AMHR2: variants seen among roughly 807,000 people sequenced by gnomAD.
The protein encoded by AMHR2 is anti-Mullerian hormone receptor type 2.
A neutral mutation model predicts 61.4 loss-of-function variants in AMHR2; 36 were observed. That is an observed-to-expected ratio of 0.59 (90% CI 0.45 to 0.77). The LOEUF (loss-of-function observed/expected upper bound fraction) is 0.77. AMHR2 is among the 30% of genes least tolerant of loss of function. The pLI is 0.00. For synonymous variants in AMHR2, 258 were observed against 279.4 expected (o/e 0.92, Z 0.76); for missense variants, 638 against 714.6 (o/e 0.89, Z 1.22).
intron 6 of AMHR2, 132 bp downstream of exon 6, chr12:53,426,051 C>A: frequency 9.7e-7 from 1 of 1,033,618 alleles, no homozygotes; most frequent in Non-Finnish European, 1.4e-6. Flanking sequence ...TTAAAAATGG[C>A]CAGGCGAGGT....
chr12:53,425,632 G>A, intron 5 of AMHR2, 57 bp from the exon 6 acceptor site: 1 of 1,612,834 alleles, frequency 6.2e-7, no homozygotes, highest in South Asian at 1.1e-5. Context: ...GTGCTGGGGA[G>A]GAATCCTGGC....
chr12:53,430,103 C>T (rs190352864), intron 9 of AMHR2, 43 bp from the exon 10 acceptor site: 2 of 1,614,120 alleles, frequency 1.2e-6, no homozygotes, highest in South Asian at 1.1e-5. Flanking sequence ...ATGGTAGGCA[C>T]CCCTAGGACT....
chr12:53,428,644 G>A (rs976262878), intron 6 of AMHR2, among the ~76,000 whole-genome samples: 1 of 152,104 alleles, frequency 6.6e-6, no homozygotes, highest in African/African-American at 2.4e-5. Context: ...GTTTTCACAA[G>A]GATTACAGGA....
chr12:53,431,109 A>G, intron 10 of AMHR2, 68 bp from the exon 11 acceptor site: 1 of 1,568,812 alleles, frequency 6.4e-7, no homozygotes, highest in South Asian at 1.1e-5. Flanking sequence ...GACACTGAAG[A>G]TGGCTTTTAA....
intron 10 of AMHR2, chr12:53,430,691 G>A (rs1940034621): frequency 2.8e-6 from 1 of 361,092 alleles, no homozygotes; most frequent in African/African-American, 2.1e-5. Flanking sequence ...GTCATACATT[G>A]ATGATGTTTC....
chr12:53,429,418 A>T, intron 7 of AMHR2, 35 bp from the exon 8 acceptor site: 1 of 1,601,124 alleles, frequency 6.2e-7, no homozygotes, highest in Non-Finnish European at 8.5e-7. Context: ...GGAGGAAGAA[A>T]ATCCATGTTC....
At chr12:53,424,039 G>A (rs1939297310) in intron 1 of AMHR2, 56 bp downstream of exon 1, 5 of 1,600,036 alleles carry the variant, frequency 3.1e-6, no homozygotes, top group Admixed American at 1.7e-5. Flanking sequence ...AGGGAAAGGG[G>A]CGCTTGAAGC....
At position 53,431,350 on chromosome 12, in the gene AMHR2, T is replaced by C. The variant is rs748512688; in HGVS notation, c.1599T>C (p.Cys533=). The C allele has an allele frequency of 5.0e-6, 8 of 1,614,220 alleles. No individual in the cohort carries two copies. The highest frequency in any genetic ancestry group is 6.8e-6 in the Non-Finnish European group (8 of 1,180,022). ...RGCPPLCPED[C]TSIPAPTILP... ...GCCCACCTCTCTGCCCAGAAGACTG[T>C]ACTTCAATTCCTGCCCCTACCATCC... is the stretch of plus-strand genomic sequence containing the variant. Residue 533 remains cysteine (C), a synonymous_variant, in exon 11 of 11, where the codon TGT becomes TGC. Coordinates refer to ENST00000257863, the MANE Select transcript of AMHR2 (RefSeq NM_020547.3).
rs1290400186 is a variant in AMHR2 at position 53,429,512 on chromosome 12, G to T, written c.1027G>T (p.Glu343Ter). 1 of 1,613,606 alleles carries T rather than the reference G, an allele frequency of 6.2e-7. No homozygotes were observed. Among genetic ancestry groups the T allele is most frequent in the African/African-American group, 1.3e-5 (1 of 74,746 alleles). ...GAGCAGCCAGAATGTGCTCATTCGG[G>T]AAGATGGATCGTGTGCCATTGGAGA... is the stretch of plus-strand genomic sequence containing the variant. ...DLSSQNVLIR[E>*]DGSCAIGDLG... Residue 343 changes from glutamate (E) to a stop codon, truncating the protein, a stop_gained, in exon 8 of 11, where the codon GAA becomes TAA. Transcript: ENST00000257863. LOFTEE classifies it high-confidence loss of function.
intron 6 of AMHR2, among the ~76,000 whole-genome samples, chr12:53,426,352 G>A (rs760484587): frequency 2.8e-4 from 42 of 150,716 alleles, no homozygotes; most frequent in African/African-American, 5.1e-4. Flanking sequence ...GGCTGGGCAC[G>A]GTGGCAGACG....
chr12:53,429,401 A>AC, intron 7 of AMHR2, 52 bp from the exon 8 acceptor site: 1 of 1,588,214 alleles, frequency 6.3e-7, no homozygotes. Context: ...CAAAAAAAAA[A>AC]AAAGAGGGAG....
At chr12:53,429,065 C>A in intron 7 of AMHR2, 55 bp downstream of exon 7, 1 of 1,447,452 alleles carries the variant, frequency 6.9e-7, no homozygotes, top group South Asian at 1.2e-5. Flanking sequence ...GTTTGTGATT[C>A]TGCCTTAGTT....
intron 10 of AMHR2, 99 bp from the exon 11 acceptor site, chr12:53,431,078 G>A: frequency 7.0e-7 from 1 of 1,429,484 alleles, no homozygotes; most frequent in East Asian, 2.3e-5. Context: ...AGAAGTGGAT[G>A]TTGAAAGCAG....
intron 10 of AMHR2, chr12:53,430,494 T>A: frequency 1.4e-6 from 1 of 697,838 alleles, no homozygotes; most frequent in Non-Finnish European, 2.4e-6. Flanking sequence ...TCCATCTACC[T>A]GAGACACACA....
intron 6 of AMHR2, 92 bp downstream of exon 6, chr12:53,426,011 T>G: frequency 2.4e-6 from 3 of 1,263,598 alleles, no homozygotes; most frequent in Non-Finnish European, 3.4e-6. Context: ...GTTGATTGCT[T>G]CTGCTTTCGA....
chr12:53,424,295 A>G lies in AMHR2; in HGVS notation c.57A>G (p.Pro19=). ...ALLPTAVEAP[P]NRRTCVFFEA... Reference sequence around the variant, plus strand: ...CCCCACCCTGGGCCTCAGCACCCCCAAACAGGCGAACCTGTGTGTTCTTTG... The same window carrying G: ...CCCCACCCTGGGCCTCAGCACCCCCGAACAGGCGAACCTGTGTGTTCTTTG... The change falls in exon 2 of 11, where the codon CCA becomes CCG. Residue 19 remains proline, a synonymous_variant. Transcript: ENST00000257863. 1 of 1,612,428 alleles carries G rather than the reference A, an allele frequency of 6.2e-7. No homozygotes were observed. The highest frequency in any genetic ancestry group is 1.1e-5 in the South Asian group (1 of 91,002).
At position 53,431,410 on chromosome 12, in the gene AMHR2, C is replaced by G. The variant is rs1940090432; in HGVS notation, c.1659C>G (p.Phe553Leu). The G allele has an allele frequency of 6.2e-7, 1 of 1,614,258 alleles. No homozygotes were observed. The highest frequency in any genetic ancestry group is 2.2e-5 in the East Asian group (1 of 44,890). The change falls in exon 11 of 11, where the codon TTC (phenylalanine) becomes TTG (leucine). Residue 553 changes from phenylalanine (F) to leucine (L), a missense_variant. By Grantham distance (22) the Phe-to-Leu change is conservative (BLOSUM62 0). Transcript: ENST00000257863. Reference protein sequence around the residue: ...PCRPQRSACHFSVQQGPCSRN... With the variant: ...PCRPQRSACHLSVQQGPCSRN... ...GGCCTCAGCGGAGTGCCTGCCACTT[C>G]AGCGTTCAGCAAGGCCCTTGTTCCA...
At chr12:53,428,838 G>T (rs770517031) in intron 6 of AMHR2, 58 bp from the exon 7 acceptor site, 11 of 1,261,430 alleles carry the variant, frequency 8.7e-6, no homozygotes, top group Non-Finnish European at 1.2e-5. Context: ...CTGCTCCCTG[G>T]GATGGATCAG....
intron 6 of AMHR2, 39 bp downstream of exon 6, chr12:53,425,958 G>A: frequency 6.3e-7 from 1 of 1,582,130 alleles, no homozygotes; most frequent in Non-Finnish European, 8.7e-7. Flanking sequence ...GTGTGTGCCT[G>A]TGTGTATGTA....
Sources: gnomAD v4.1 joint callset for allele counts (sites outside exome capture counted in the v4.1 genomes callset) on GRCh38, gnomAD v4.1.1 for gene constraint, MANE v1.5 for transcripts, NCBI Gene and HGNC (gene_info 2026-07-23, HGNC 2026-07-21) for gene names.